ADAM2: variants seen among roughly 807,000 people sequenced by gnomAD.
ADAM2 encodes the protein disintegrin and metalloproteinase domain-containing protein 2.
ADAM2 carries 101 observed loss-of-function variants against 99.3 expected under a neutral mutation model. The observed-to-expected ratio is 1.02, with a 90% CI of 0.87 to 1.20. The LOEUF (loss-of-function observed/expected upper bound fraction) is 1.20. ADAM2 is among the 50% of genes most tolerant of loss of function. ADAM2 has a pLI of 0.00. For missense variants in ADAM2, 948 were observed against 878.7 expected (o/e 1.08, Z -1.00); for synonymous variants, 323 against 287.6 (o/e 1.12, Z -1.25).
intron 4 of ADAM2, among the ~76,000 whole-genome samples, chr8:39,823,297 A>G (rs1277139683): frequency 6.6e-6 from 1 of 152,026 alleles, no homozygotes; most frequent in East Asian, 1.9e-4. Flanking sequence ...AGATAATATG[A>G]CTTTAGGAAT....
chr8:39,801,522 A>AG (rs1218959394), intron 7 of ADAM2, among the ~76,000 whole-genome samples: 2 of 152,124 alleles, frequency 1.3e-5, no homozygotes, highest in Non-Finnish European at 1.5e-5. Context: ...GGACTTGTTT[A>AG]ATGAAGGACT....
chr8:39,766,102 A>G (rs1470472203), intron 14 of ADAM2, among the ~76,000 whole-genome samples: 2 of 152,180 alleles, frequency 1.3e-5, no homozygotes, highest in African/African-American at 4.8e-5. Context: ...GATTTTCATG[A>G]AATTTCCTTA....
At chr8:39,762,510 G>T (rs1170175453) in intron 14 of ADAM2, among the ~76,000 whole-genome samples, 1 of 152,168 alleles carries the variant, frequency 6.6e-6, no homozygotes, top group Non-Finnish European at 1.5e-5. Context: ...ACTTGGTTAG[G>T]CTATAGTCTC....
intron 15 of ADAM2, among the ~76,000 whole-genome samples, chr8:39,758,143 T>C (rs1425741685): frequency 1.3e-5 from 2 of 152,136 alleles, no homozygotes; most frequent in Non-Finnish European, 2.9e-5. Context: ...AATTCAGAGA[T>C]TTACATGAAT....
intron 18 of ADAM2, among the ~76,000 whole-genome samples, chr8:39,748,232 C>T (rs1048905586): frequency 1.5e-4 from 23 of 152,064 alleles, no homozygotes; most frequent in Non-Finnish European, 2.2e-4. Flanking sequence ...TGTAGGAAGA[C>T]CACGAGAGTC....
At chr8:39,766,032 G>T (rs1431610487) in intron 14 of ADAM2, among the ~76,000 whole-genome samples, 1 of 152,050 alleles carries the variant, frequency 6.6e-6, no homozygotes, top group Non-Finnish European at 1.5e-5. Context: ...TTGCACCATG[G>T]TTTTCTTTTT....
intron 7 of ADAM2, among the ~76,000 whole-genome samples, chr8:39,797,515 G>T (rs866943823): frequency 2.7e-4 from 41 of 151,958 alleles, no homozygotes; most frequent in African/African-American, 9.9e-4. Context: ...TGCTTAGGAT[G>T]TTCTTTGCTA....
chr8:39,830,978 T>C (rs942521082), intron 3 of ADAM2, among the ~76,000 whole-genome samples: 1 of 152,114 alleles, frequency 6.6e-6, no homozygotes, highest in African/African-American at 2.4e-5. Context: ...CCTTCTACTG[T>C]ATGAGGGCAC....
intron 6 of ADAM2, among the ~76,000 whole-genome samples, chr8:39,811,979 A>C (rs1313398388): frequency 6.6e-6 from 1 of 152,214 alleles, no homozygotes; most frequent in African/African-American, 2.4e-5. Flanking sequence ...GAAGAGGGGA[A>C]GTTAAATTGT....
In ADAM2 at chr8:39,799,626, C is replaced by T. The variant is rs531019072; in HGVS notation, c.570+9784G>A. On this transcript the variant is annotated intron_variant, in intron 7 of 20. Transcript: ENST00000265708. The stretch of plus-strand genomic sequence containing the variant: ...ATCTTGTTGATCTGTCTAATACTGA[C>T]AGTGGGGTGTTAAAGTCTCCCACTA... Among the ~76,000 whole-genome samples, 7 of 152,306 alleles carry T rather than the reference C, an allele frequency of 4.6e-5. No homozygotes were observed. In the South Asian group the frequency reaches 1.0e-3, roughly 23 times the overall value.
At chr8:39,817,758 A>C (rs1238519781) in intron 6 of ADAM2, 1 of 151,966 alleles carries the variant, frequency 6.6e-6, no homozygotes, top group Non-Finnish European at 1.5e-5. Context: ...TAAATTAATA[A>C]AATCAGAAAT....
chr8:39,745,042 T>C lies in ADAM2; in HGVS notation c.2175-149A>G, dbSNP rs1199774048. 4 of 572,010 alleles carry C rather than the reference T, an allele frequency of 7.0e-6. No individual in the cohort carries two copies. In the Admixed American group the frequency reaches 9.0e-5, roughly 13 times the overall value. 35.4% of individuals were successfully genotyped at this position (572,010 alleles called of 1,614,324 possible). On this transcript the variant is annotated intron_variant, in intron 19 of 20. Transcript: ENST00000265708. ...TGAGAATACCCTATCACTGAGAACA[T>C]CTCTGCCCTGGTAATCAAGACTAAT...
At chr8:39,757,756 G>A (rs1802204022) in intron 15 of ADAM2, among the ~76,000 whole-genome samples, 1 of 152,100 alleles carries the variant, frequency 6.6e-6, no homozygotes, top group African/African-American at 2.4e-5. Flanking sequence ...CTTCAGAAAA[G>A]CAAAAGTGAA....
intron 4 of ADAM2, among the ~76,000 whole-genome samples, chr8:39,822,746 GT>G (rs1045646633): frequency 1.2e-4 from 17 of 145,142 alleles, no homozygotes; most frequent in East Asian, 4.0e-4. Flanking sequence ...TTTGAGGTCT[GT>G]TTTTTTTTTG....
At chr8:39,750,073 A>G (rs1053626846) in intron 16 of ADAM2, among the ~76,000 whole-genome samples, 2 of 152,168 alleles carry the variant, frequency 1.3e-5, no homozygotes, top group African/African-American at 4.8e-5. Flanking sequence ...TGTGAAGCGT[A>G]AAATACAGGA....
intron 3 of ADAM2, among the ~76,000 whole-genome samples, chr8:39,829,313 G>C (rs1805529740): frequency 6.6e-6 from 1 of 151,978 alleles, no homozygotes; most frequent in Admixed American, 6.5e-5. Context: ...GAAAAGGTCA[G>C]ATTAGAAATA....
chr8:39,818,172 A>G (rs1046545094), intron 6 of ADAM2: 3 of 152,068 alleles, frequency 2.0e-5, no homozygotes, highest in African/African-American at 4.8e-5. Flanking sequence ...AATGAAAAAA[A>G]TCTTCAAAAT....
At chr8:39,760,739 T>TA (rs112288800) in intron 15 of ADAM2, among the ~76,000 whole-genome samples, 35,383 of 146,790 alleles carry the variant, frequency 0.24, 5,549 homozygotes, top group African/African-American at 0.45. Context: ...AATAAAAAAA[T>TA]AAAAAAAAAA....
chr8:39,823,990 CA>C (rs970677772), intron 4 of ADAM2, among the ~76,000 whole-genome samples: 1 of 151,838 alleles, frequency 6.6e-6, no homozygotes, highest in Non-Finnish European at 1.5e-5. Context: ...GGTTAAAAAA[CA>C]AAAGAACAGA....
Sources: gnomAD v4.1 joint callset for allele counts (sites outside exome capture counted in the v4.1 genomes callset) on GRCh38, gnomAD v4.1.1 for gene constraint, MANE v1.5 for transcripts, NCBI Gene and HGNC (gene_info 2026-07-23, HGNC 2026-07-21) for gene names.